Variants in GRID2IP observed in about 807,000 individuals in gnomAD.
GRID2IP encodes the protein delphilin.
Under a neutral mutation model 114.3 loss-of-function variants are expected in GRID2IP, and 78 were observed. That is an observed-to-expected ratio of 0.68 (90% CI 0.57 to 0.82). The LOEUF is 0.82. Among genes scored for constraint, GRID2IP ranks in the 40% least tolerant of loss-of-function variants. GRID2IP has a pLI of 0.00. For missense variants in GRID2IP, 1,727 were observed against 1,678.5 expected, an observed-to-expected ratio of 1.03 and a Z score of -0.51; for synonymous variants, 809 against 724.0, an observed-to-expected ratio of 1.12 and a Z score of -1.89.
chr7:6,537,063 G>C (rs906521735), intron 2 of GRID2IP, among the ~76,000 whole-genome samples: 6 of 152,090 alleles, frequency 3.9e-5, no homozygotes, highest in Non-Finnish European at 8.8e-5. Flanking sequence ...AGCAGTCGCA[G>C]GCCCAGGAGG....
chr7:6,532,231 G>C lies in GRID2IP; in HGVS notation c.585-5462C>G, dbSNP rs1028490830. ...GGCCTGAGGAACAAATGAGAGTTGG[G>C]GTAACCAGTTCAAGGCACATCCTGG... On this transcript the variant is annotated intron_variant, in intron 2 of 21. Coordinates refer to ENST00000457091, the MANE Select transcript of GRID2IP (RefSeq NM_001145118.2). The surrounding 1 kb of genome is among the most constrained non-coding windows in gnomAD (Gnocchi z 4.4). Among the ~76,000 whole-genome samples, 10 of 152,102 alleles carry C rather than the reference G, an allele frequency of 6.6e-5. No homozygotes were observed. The highest frequency in any genetic ancestry group is 2.4e-4 in the African/African-American group (10 of 41,422).
rs1248811146 is a variant in GRID2IP at position 6,532,847 on chromosome 7, C to T, written c.585-6078G>A. Reference sequence around the variant, plus strand: ...GCAGACGCCCAGGGTCAAATCCAGGCACGCTACCTCAGAGCCAGGTCTCCG... The same window carrying T: ...GCAGACGCCCAGGGTCAAATCCAGGTACGCTACCTCAGAGCCAGGTCTCCG... On this transcript the variant is annotated intron_variant, in intron 2 of 21. Transcript: ENST00000457091. The surrounding 1 kb of genome is among the most constrained non-coding windows in gnomAD (Gnocchi z 4.4). 6.6e-6 allele frequency among the ~76,000 whole-genome samples: 1 copy of T among 152,230 alleles called. No homozygotes were observed. The highest frequency in any genetic ancestry group is 1.5e-5 in the Non-Finnish European group (1 of 68,044).
rs1232209295 is a variant in GRID2IP at position 6,498,054 on chromosome 7, C to T, written c.3564+10G>A. The T allele has an allele frequency of 1.4e-5, 22 of 1,540,256 alleles. No homozygotes were observed. In the Admixed American group the frequency reaches 2.7e-4, roughly 19 times the overall value. ...CCAAAAGGGCCCCTCAGGGCTCCAGCGAGGCTCACCTCGAATTTGCTCATG... is the reference window on the plus strand; with the variant it reads ...CCAAAAGGGCCCCTCAGGGCTCCAGTGAGGCTCACCTCGAATTTGCTCATG... On this transcript the variant is annotated intron_variant, in intron 21 of 21. Transcript: ENST00000457091.
At chr7:6,514,348 G>T in intron 8 of GRID2IP, 27 bp downstream of exon 8, 1 of 1,472,014 alleles carries the variant, frequency 6.8e-7, no homozygotes, top group Non-Finnish European at 9.1e-7. Flanking sequence ...CTGCAGGCAG[G>T]GAAGTGGCAG....
chr7:6,539,681 C>T (rs1396956739), intron 2 of GRID2IP, 37 bp downstream of exon 2: 10 of 1,514,548 alleles, frequency 6.6e-6, no homozygotes, highest in Admixed American at 2.1e-5. Context: ...AAGTGAGACC[C>T]ACCCTGCCTG....
chr7:6,517,873 A>G (rs972219956), intron 7 of GRID2IP, among the ~76,000 whole-genome samples: 4 of 151,944 alleles, frequency 2.6e-5, no homozygotes, highest in Non-Finnish European at 4.4e-5. Flanking sequence ...ACTGAACTCC[A>G]GCCTGGGCGA....
Position 6,528,438 on chromosome 7 carries a change from CA to C in GRID2IP, c.585-1670del, listed in dbSNP as rs1466690059. ...AGCTGGCCTGTGGCACAGCTGGCATCAGAGAACAGACTTCAGCGCTCAGCAC... is the reference window on the plus strand; with the variant it reads ...AGCTGGCCTGTGGCACAGCTGGCATCGAGAACAGACTTCAGCGCTCAGCAC... On this transcript the variant is annotated intron_variant, in intron 2 of 21. Coordinates refer to ENST00000457091, the MANE Select transcript of GRID2IP (RefSeq NM_001145118.2). The surrounding 1 kb of genome is among the most constrained non-coding windows in gnomAD (Gnocchi z 6.0). 1.3e-5 allele frequency among the ~76,000 whole-genome samples: 2 copies of C among 152,208 alleles called. No individual in the cohort carries two copies. Among genetic ancestry groups the C allele is most frequent in the Non-Finnish European group, 2.9e-5 (2 of 68,032 alleles).
At chr7:6,510,837 C>A in intron 9 of GRID2IP, 71 bp downstream of exon 9, 2 of 1,503,480 alleles carry the variant, frequency 1.3e-6, no homozygotes, top group Non-Finnish European at 1.8e-6. Flanking sequence ...GGATTCCCCA[C>A]CTCACCAAGC....
Position 6,509,311 on chromosome 7 carries a change from G to T in GRID2IP, c.1774C>A (p.Pro592Thr). ...PGPSPAVTTG[P>T]RTLSGVSWPS... ...CATGAGACGCCGGACAGGGTCCTGG[G>T]CCCTGGAGGAGGGATGGAGTATGAG... The change falls in exon 12 of 22, where the codon CCC becomes ACC. Residue 592 changes from proline (P) to threonine (T), a missense_variant and splice_region_variant. Coordinates refer to ENST00000457091, the MANE Select transcript of GRID2IP (RefSeq NM_001145118.2). The surrounding 1 kb of genome is among the most constrained non-coding windows in gnomAD (Gnocchi z 4.9). The T allele has an allele frequency of 6.7e-7, 1 of 1,499,944 alleles. No homozygotes were observed. The highest frequency in any genetic ancestry group is 8.9e-7 in the Non-Finnish European group (1 of 1,124,206). The allele number at this position is 1,499,944 out of a possible 1,614,324, so 92.9% of individuals were successfully genotyped here.
At chr7:6,522,093 T>A in intron 4 of GRID2IP, 136 bp from the exon 5 acceptor site, 2 of 670,814 alleles carry the variant, frequency 3.0e-6, no homozygotes, top group Non-Finnish European at 5.2e-6. Context: ...CTCACACCTG[T>A]AACCTCAGCA....
intron 14 of GRID2IP, 107 bp downstream of exon 14, chr7:6,505,713 C>T (rs561861537): frequency 3.1e-5 from 22 of 703,966 alleles, no homozygotes; most frequent in African/African-American, 1.1e-4. Context: ...GGCTTGAGGA[C>T]GCATCAGGTT....
Position 6,518,484 on chromosome 7 carries a change from T to C in GRID2IP, c.1268+2094A>G, listed in dbSNP as rs968115905. Among the ~76,000 whole-genome samples, 13 of 152,258 alleles carry C rather than the reference T, an allele frequency of 8.5e-5. No individual in the cohort carries two copies. The East Asian group carries it at 2.5e-3, about 29-fold the overall frequency. ...CGGGTGTCGTGGCTCACACCTGTAA[T>C]CCCAGCACTTTGGGAGGCTGAAGTG... On this transcript the variant is annotated intron_variant, in intron 7 of 21. Coordinates refer to ENST00000457091, the MANE Select transcript of GRID2IP (RefSeq NM_001145118.2).
chr7:6,511,092 G>T, intron 8 of GRID2IP, 53 bp from the exon 9 acceptor site: 2 of 1,343,118 alleles, frequency 1.5e-6, no homozygotes. Context: ...GCCAGACAAG[G>T]GACCTCCAAA....
chr7:6,516,400 AC>A lies in GRID2IP; in HGVS notation c.1269-1872del, dbSNP rs1304314105. Among the ~76,000 whole-genome samples, 6 of 152,196 alleles carry A rather than the reference AC, an allele frequency of 3.9e-5. No homozygotes were observed. Among genetic ancestry groups the A allele is most frequent in the Non-Finnish European group, 7.3e-5 (5 of 68,036 alleles). On this transcript the variant is annotated intron_variant, in intron 7 of 21. Coordinates refer to ENST00000457091, the MANE Select transcript of GRID2IP (RefSeq NM_001145118.2). This position sits in a 1 kb window ranked among gnomAD's most constrained non-coding sequence, Gnocchi z 4.3. Reference sequence around the variant, plus strand: ...TAATAATCTTTGTCCTACAATTATAACCTAGGAGAAACCAGGCCATACAGAG... The same window carrying A: ...TAATAATCTTTGTCCTACAATTATAACTAGGAGAAACCAGGCCATACAGAG...
Position 6,526,125 on chromosome 7 carries a change from G to C in GRID2IP, c.919+99C>G, listed in dbSNP as rs1779506502. 3.4e-6 allele frequency: 3 copies of C among 893,142 alleles called. No homozygotes were observed. In the Admixed American group the frequency reaches 6.1e-5, roughly 18 times the overall value. The allele number at this position is 893,142 out of a possible 1,614,324, so 55.3% of individuals were successfully genotyped here. Reference sequence around the variant, plus strand: ...CTGACGTGGAGGGGTTGCTGAGCAGGAGCCTACATGGGGTACAATGACCCG... The same window carrying C: ...CTGACGTGGAGGGGTTGCTGAGCAGCAGCCTACATGGGGTACAATGACCCG... On this transcript the variant is annotated intron_variant, in intron 4 of 21. Transcript: ENST00000457091. This position sits in a 1 kb window ranked among gnomAD's most constrained non-coding sequence, Gnocchi z 7.6.
rs769675403 is a variant in GRID2IP, at chr7:6,526,793, G to A, written c.585-24C>T. Reference sequence around the variant, plus strand: ...TCCTGCCGGCGAGGACGGCGGAGTCGGGGCGCGTTCCCGGACCCCGGATCT... The same window carrying A: ...TCCTGCCGGCGAGGACGGCGGAGTCAGGGCGCGTTCCCGGACCCCGGATCT... On this transcript the variant is annotated intron_variant, in intron 2 of 21. Transcript: ENST00000457091. This position sits in a 1 kb window ranked among gnomAD's most constrained non-coding sequence, Gnocchi z 7.6. 4.0e-4 allele frequency: 595 copies of A among 1,488,762 alleles called. 11 individuals carry two copies. The highest frequency in any genetic ancestry group is 4.4e-4 in the Admixed American group (19 of 43,548). 92.2% of individuals were successfully genotyped at this position (1,488,762 alleles called of 1,614,324 possible).
At chr7:6,505,944 C>G (rs1432266254) in intron 13 of GRID2IP, 37 bp from the exon 14 acceptor site, 19 of 1,424,006 alleles carry the variant, frequency 1.3e-5, no homozygotes, top group Non-Finnish European at 1.8e-5. Context: ...GTAGGAGGAG[C>G]AGCAGCAGCT....
In GRID2IP at chr7:6,519,477, G is replaced by A. The variant is rs958004731; in HGVS notation, c.1268+1101C>T. Among the ~76,000 whole-genome samples, 1 of 152,098 alleles carries A rather than the reference G, an allele frequency of 6.6e-6. No homozygotes were observed. Among genetic ancestry groups the A allele is most frequent in the African/African-American group, 2.4e-5 (1 of 41,430 alleles). ...TTTTTAAAAAACAAAACCAAACCAG[G>A]CCAGGTGCGGTGACTCATGCCTGTA... On this transcript the variant is annotated intron_variant, in intron 7 of 21. Coordinates refer to ENST00000457091, the MANE Select transcript of GRID2IP (RefSeq NM_001145118.2). The surrounding 1 kb of genome is among the most constrained non-coding windows in gnomAD (Gnocchi z 4.1).
intron 2 of GRID2IP, among the ~76,000 whole-genome samples, chr7:6,535,113 G>A (rs1009506791): frequency 1.3e-5 from 2 of 152,152 alleles, no homozygotes; most frequent in Non-Finnish European, 2.9e-5. Flanking sequence ...TCAAACTCCG[G>A]ACCTCAGGTG....
Sources: allele counts gnomAD v4.1 joint callset (sites outside exome capture counted in the v4.1 genomes callset), GRCh38; gene constraint gnomAD v4.1.1; non-coding constraint Gnocchi (gnomAD v3.1); transcripts MANE v1.5; gene names NCBI Gene and HGNC (gene_info 2026-07-23, HGNC 2026-07-21).